The following SVEP1 variants were observed in gnomAD, a reference collection of about 807,000 sequenced individuals.
The protein encoded by SVEP1 is sushi, von Willebrand factor type A, EGF and pentraxin domain-containing protein 1.
In SVEP1, 164 loss-of-function variants were observed where a neutral mutation model predicts 367.3. The ratio of observed to expected loss-of-function variants is 0.45; its 90% CI spans 0.39 to 0.51. SVEP1 has a LOEUF of 0.51. SVEP1 is among the 20% of genes least tolerant of loss of function. SVEP1 has a pLI of 0.00. For missense variants in SVEP1, 4,117 were observed against 4,425.3 expected, an observed-to-expected ratio of 0.93 and a Z score of 1.98; for synonymous variants, 1,666 against 1,611.6, an observed-to-expected ratio of 1.03 and a Z score of -0.81.
intron 12 of SVEP1, among the ~76,000 whole-genome samples, chr9:110,480,687 A>G (rs1342268758): frequency 6.6e-6 from 1 of 152,040 alleles, no homozygotes; most frequent in Non-Finnish European, 1.5e-5. Flanking sequence ...GCTGAAGTAC[A>G]GTGATGTGAT....
At chr9:110,376,464 G>A (rs949718455) in intron 45 of SVEP1, among the ~76,000 whole-genome samples, 1 of 152,288 alleles carries the variant, frequency 6.6e-6, no homozygotes, top group Non-Finnish European at 1.5e-5. Flanking sequence ...ACTTGTTTTG[G>A]TGAGTTGTTA....
intron 13 of SVEP1, 111 bp from the exon 14 acceptor site, chr9:110,476,426 G>T: frequency 1.3e-6 from 1 of 773,446 alleles, no homozygotes; most frequent in East Asian, 2.5e-5. Flanking sequence ...GGAAGGGAGG[G>T]CCCCAGAGCT....
chr9:110,365,946 C>A lies in SVEP1; in HGVS notation c.*593G>T, dbSNP rs937748023. 6.6e-6 allele frequency: 1 copy of A among 152,206 alleles called. No homozygotes were observed. Among genetic ancestry groups the A allele is most frequent in the East Asian group, 1.9e-4 (1 of 5,192 alleles). 9.4% of individuals were successfully genotyped at this position (152,206 alleles called of 1,614,324 possible). A position where few individuals can be genotyped will look rare whatever the true frequency, so the allele number is the denominator to read the frequency against. ...AGCCAGGCTACCCTAAGTACCAGGA[C>A]ATAATTATGTGGTGGAGAGTACCAG... On this transcript the variant is annotated 3_prime_UTR_variant, in exon 48 of 48. Coordinates refer to ENST00000374469, the MANE Select transcript of SVEP1 (RefSeq NM_153366.4).
At chr9:110,439,306 G>C (rs2118580153) in intron 27 of SVEP1, among the ~76,000 whole-genome samples, 1 of 152,280 alleles carries the variant, frequency 6.6e-6, no homozygotes, top group African/African-American at 2.4e-5. Flanking sequence ...AGCCAGGAAG[G>C]GGGCTCTCAC....
chr9:110,451,025 T>C (rs116714841), intron 23 of SVEP1, among the ~76,000 whole-genome samples: 1,601 of 152,274 alleles, frequency 0.011, 28 homozygotes, highest in African/African-American at 0.036. Flanking sequence ...CAGTTCCTTC[T>C]TGAAAGTTTG....
intron 41 of SVEP1, 122 bp downstream of exon 41, chr9:110,389,390 AAAAGGTTCTCAT>A (rs1588026412): frequency 2.0e-6 from 2 of 981,404 alleles, no homozygotes; most frequent in East Asian, 5.2e-5. Flanking sequence ...AAAGCCCATT[AAAAGGTTCTCAT>A]ATGGCTTATG....
At chr9:110,488,480 A>C (rs911792894) in intron 9 of SVEP1, among the ~76,000 whole-genome samples, 1 of 152,012 alleles carries the variant, frequency 6.6e-6, no homozygotes, top group Non-Finnish European at 1.5e-5. Flanking sequence ...GTTAGGTAAA[A>C]ATAATGGAGG....
chr9:110,507,203 T>C (rs1457553466), intron 5 of SVEP1, among the ~76,000 whole-genome samples: 1 of 152,220 alleles, frequency 6.6e-6, no homozygotes, highest in Non-Finnish European at 1.5e-5. Flanking sequence ...CTTATAACAA[T>C]CTCTAAAGAT....
rs1830586002 is a variant in SVEP1 at position 110,573,178 on chromosome 9, CTA to C, written c.531+5833_531+5834del. Among the ~76,000 whole-genome samples, 3 of 144,750 alleles carry C rather than the reference CTA, an allele frequency of 2.1e-5. No homozygotes were observed. The South Asian group carries it at 7.0e-4, about 34-fold the overall frequency. 95.0% of individuals were successfully genotyped at this position (144,750 alleles called of 152,430 possible). On this transcript the variant is annotated intron_variant, in intron 1 of 47. Transcript: ENST00000374469. ...ATTACATAAGTACCCCCACCCCTTC[CTA>C]TAAAAAAAAAAAGAACCCAAACTTT...
chr9:110,398,422 C>T (rs1827803780), intron 40 of SVEP1, among the ~76,000 whole-genome samples: 1 of 152,182 alleles, frequency 6.6e-6, no homozygotes, highest in Non-Finnish European at 1.5e-5. Flanking sequence ...CCATTCAGGA[C>T]ATAGGCATGG....
intron 28 of SVEP1, 65 bp from the exon 29 acceptor site, chr9:110,435,429 T>C (rs1229898123): frequency 6.4e-7 from 1 of 1,566,418 alleles, no homozygotes; most frequent in African/African-American, 1.4e-5. Context: ...TATTACACAT[T>C]AATTTAGTCC....
At chr9:110,424,037 A>G (rs1212941042) in intron 36 of SVEP1, among the ~76,000 whole-genome samples, 2 of 152,324 alleles carry the variant, frequency 1.3e-5, no homozygotes, top group South Asian at 2.1e-4. Context: ...GCTATCTCAC[A>G]TATTATTGTT....
chr9:110,393,641 A>T (rs1827704031), intron 40 of SVEP1, among the ~76,000 whole-genome samples: 2 of 152,170 alleles, frequency 1.3e-5, no homozygotes, highest in African/African-American at 4.8e-5. Flanking sequence ...CACCTGGAAA[A>T]TCGGGTCACT....
intron 6 of SVEP1, among the ~76,000 whole-genome samples, chr9:110,500,886 T>C (rs1588082738): frequency 6.6e-6 from 1 of 152,028 alleles, no homozygotes; most frequent in East Asian, 1.9e-4. Context: ...TTAGTGATTG[T>C]TCATTACAAT....
chr9:110,521,170 T>C (rs1157310260), intron 3 of SVEP1, among the ~76,000 whole-genome samples: 2 of 152,320 alleles, frequency 1.3e-5, no homozygotes, highest in African/African-American at 4.8e-5. Flanking sequence ...CAGGTGTGCA[T>C]ATAGGGACTT....
intron 39 of SVEP1, among the ~76,000 whole-genome samples, chr9:110,402,364 A>C (rs560410576): frequency 6.6e-6 from 1 of 152,186 alleles, no homozygotes; most frequent in Non-Finnish European, 1.5e-5. Flanking sequence ...CAAAATTTGT[A>C]TTGATCTCCT....
intron 36 of SVEP1, among the ~76,000 whole-genome samples, chr9:110,423,664 G>T (rs146765884): frequency 1.2e-3 from 179 of 151,924 alleles, no homozygotes; most frequent in Non-Finnish European, 2.2e-3. Context: ...ATAAATATGG[G>T]TATATTAAAA....
intron 33 of SVEP1, 35 bp from the exon 34 acceptor site, chr9:110,430,039 G>A: frequency 6.3e-7 from 1 of 1,594,054 alleles, no homozygotes; most frequent in South Asian, 1.1e-5. Flanking sequence ...TGACTTTTTT[G>A]AGACTGTGTG....
rs1295418738 is a variant in SVEP1, at chr9:110,375,429, G to A, written c.10539C>T (p.Arg3513=). ...AGTCACACTGGTAAGGGGCCACACA[G>A]CGACCTCCGTTCAGACAGGGAAGAA... is the stretch of plus-strand genomic sequence containing the variant. ...ICILPCLNGG[R]CVAPYQCDCP... is the part of the protein sequence containing the mutation. Residue 3513 remains arginine (R), a synonymous_variant, in exon 46 of 48, where the codon CGC becomes CGT. Coordinates refer to ENST00000374469, the MANE Select transcript of SVEP1 (RefSeq NM_153366.4). 4 of 1,344,490 alleles carry A rather than the reference G, an allele frequency of 3.0e-6. No individual in the cohort carries two copies. The African/African-American group carries it at 4.9e-5, about 17-fold the overall frequency. The allele number at this position is 1,344,490 out of a possible 1,614,324, so 83.3% of individuals were successfully genotyped here.
Sources: allele counts gnomAD v4.1 joint callset (sites outside exome capture counted in the v4.1 genomes callset), GRCh38; gene constraint gnomAD v4.1.1; transcripts MANE v1.5; gene names NCBI Gene and HGNC (gene_info 2026-07-23, HGNC 2026-07-21).